COMMD5: variants seen among roughly 807,000 people sequenced by gnomAD.
The protein encoded by COMMD5 is COMM domain-containing protein 5.
COMMD5 carries 10 observed loss-of-function variants against 6.9 expected under a neutral mutation model. That is an observed-to-expected ratio of 1.44 (90% CI 0.89 to 2.45). COMMD5 has a LOEUF of 2.45. Among genes scored for constraint, COMMD5 ranks in the 30% most tolerant of loss-of-function variants. COMMD5 has a pLI of 0.00. For missense variants in COMMD5, 234 were observed against 287.8 expected (o/e 0.81, Z 1.35); for synonymous variants, 127 against 125.3 (o/e 1.01, Z -0.09).
downstream of COMMD5, among the ~76,000 whole-genome samples, chr8:144,849,338 C>A (rs945629404): frequency 1.3e-5 from 2 of 152,164 alleles, no homozygotes; most frequent in African/African-American, 2.4e-5. Context: ...GCAGGACCCA[C>A]AAGCATGCAC....
chr8:144,846,250 G>A, downstream of COMMD5: 3 of 1,442,526 alleles, frequency 2.1e-6, no homozygotes, highest in Admixed American at 2.1e-5. Context: ...AAAGGGGCTG[G>A]GGTGCAAGCT....
chr8:144,842,235 C>T, intron 1 of COMMD5: 2 of 1,614,054 alleles, frequency 1.2e-6, no homozygotes, highest in Non-Finnish European at 1.7e-6. Context: ...AGAGCTCCAC[C>T]CTAGCCCAGC....
chr8:144,848,198 T>C (rs147726715), downstream of COMMD5, among the ~76,000 whole-genome samples: 73 of 151,062 alleles, frequency 4.8e-4, no homozygotes, highest in East Asian at 0.014. Flanking sequence ...ATCTGAAAAT[T>C]AGCCGGGTGT....
At chr8:144,843,129 C>T (rs1293705838) in intron 1 of COMMD5, 3 of 1,606,586 alleles carry the variant, frequency 1.9e-6, no homozygotes, top group Non-Finnish European at 2.5e-6. Flanking sequence ...TTAATCGTAG[C>T]TCAAGGCTTA....
chr8:144,850,501 C>T lies in COMMD5; in HGVS notation c.*163G>A, dbSNP rs981579110. On this transcript the variant is annotated 3_prime_UTR_variant, in exon 2 of 2. Coordinates refer to ENST00000305103, the MANE Select transcript of COMMD5 (RefSeq NM_014066.4). The surrounding 1 kb of genome is among the most constrained non-coding windows in gnomAD (Gnocchi z 4.0). ...CAAAAAGAAAAAAAGGCATAGCTCTCTTTTTCAATTAAACAGAAAACTACA... is the reference window on the plus strand; with the variant it reads ...CAAAAAGAAAAAAAGGCATAGCTCTTTTTTTCAATTAAACAGAAAACTACA... 5 of 800,894 alleles carry T rather than the reference C, an allele frequency of 6.2e-6. No homozygotes were observed. Among genetic ancestry groups the T allele is most frequent in the Non-Finnish European group, 9.5e-6 (5 of 524,242 alleles). 49.6% of individuals were successfully genotyped at this position (800,894 alleles called of 1,614,324 possible).
downstream of COMMD5, among the ~76,000 whole-genome samples, chr8:144,848,623 ACT>A (rs1563853908): frequency 6.6e-6 from 1 of 152,170 alleles, no homozygotes; most frequent in African/African-American, 2.4e-5. Context: ...TAAAATGTTT[ACT>A]CTCTGGCCCT....
At chr8:144,838,095 C>T (rs1586815833), downstream of COMMD5, 2 of 702,992 alleles carry the variant, frequency 2.8e-6, no homozygotes, top group Admixed American at 2.0e-5. Context: ...CCTGTCCTGC[C>T]TCTCCGGGCA....
Position 144,851,072 on chromosome 8 carries a change from C to T in COMMD5, c.267G>A (p.Met89Ile). ...GGAGGGCCTGCTGGAGCAGTGTGTG[C>T]ATGCCTGCCAGCAGGGCACCCAGCT... ...EEQLGALLAG[M>I]HTLLQQALRL... Residue 89 changes from methionine to isoleucine, a missense_variant, in exon 2 of 2, where the codon ATG becomes ATA. Met to Ile is a conservative substitution (Grantham distance 10, BLOSUM62 1). Coordinates refer to ENST00000305103, the MANE Select transcript of COMMD5 (RefSeq NM_014066.4). 6.2e-7 allele frequency: 1 copy of T among 1,612,204 alleles called. No individual in the cohort carries two copies. The highest frequency in any genetic ancestry group is 8.5e-7 in the Non-Finnish European group (1 of 1,179,646).
chr8:144,845,830 C>T (rs979441070), downstream of COMMD5: 57 of 735,600 alleles, frequency 7.7e-5, no homozygotes, highest in South Asian at 1.3e-4. Context: ...CTACTCACAC[C>T]GGAACTTCTG....
At chr8:144,838,171 G>C (rs552590795), downstream of COMMD5, 14 of 702,478 alleles carry the variant, frequency 2.0e-5, no homozygotes, top group Admixed American at 1.4e-4. Flanking sequence ...TCTGATCTCC[G>C]ACTCCTTCAC....
downstream of COMMD5, chr8:144,838,362 G>A (rs1829334554): frequency 2.0e-5 from 11 of 556,756 alleles, no homozygotes; most frequent in Admixed American, 3.1e-4. Context: ...CCTATCTTGG[G>A]GTCCTCAGCC....
downstream of COMMD5, chr8:144,838,229 A>G (rs1829316457): frequency 1.5e-6 from 1 of 679,622 alleles, no homozygotes; most frequent in African/African-American, 1.8e-5. Flanking sequence ...CCATCTCCTT[A>G]GAAGGACACC....
intron 1 of COMMD5, chr8:144,842,795 G>A: frequency 6.2e-7 from 1 of 1,614,226 alleles, no homozygotes; most frequent in Non-Finnish European, 8.5e-7. Flanking sequence ...AAAGCCTTCA[G>A]TCAAAACTCA....
chr8:144,842,965 A>G (rs769903907), intron 1 of COMMD5: 1 of 1,614,190 alleles, frequency 6.2e-7, no homozygotes, highest in Non-Finnish European at 8.5e-7. Context: ...GGAAGGGTCC[A>G]CCTTTGTGAG....
downstream of COMMD5, among the ~76,000 whole-genome samples, chr8:144,840,736 C>T (rs1489587015): frequency 6.6e-6 from 1 of 152,084 alleles, no homozygotes; most frequent in Non-Finnish European, 1.5e-5. Flanking sequence ...CCACGCACAG[C>T]CCAGGGAGAA....
At position 144,850,861 on chromosome 8, in the gene COMMD5, C is replaced by G. The variant is rs1161081403; in HGVS notation, c.478G>C (p.Asp160His). ...AGGGCACTGGTGGAGATTGCTACAT[C>G]CACCCGCCACCGAAAGTCAGCAACA... Reference protein sequence around the residue: ...PHVADFRWRVDVAISTSALAR... With the variant: ...PHVADFRWRVHVAISTSALAR... The change falls in exon 2 of 2, where the codon GAT (aspartate) becomes CAT (histidine). Residue 160 changes from aspartate to histidine, a missense_variant. Asp to His is a moderately conservative substitution (Grantham distance 81). Coordinates refer to ENST00000305103, the MANE Select transcript of COMMD5 (RefSeq NM_014066.4). The surrounding 1 kb of genome is among the most constrained non-coding windows in gnomAD (Gnocchi z 4.0). The G allele has an allele frequency of 3.7e-6, 6 of 1,613,054 alleles. No individual in the cohort carries two copies. Among genetic ancestry groups the G allele is most frequent in the Non-Finnish European group, 4.2e-6 (5 of 1,179,848 alleles).
downstream of COMMD5, among the ~76,000 whole-genome samples, chr8:144,840,314 T>C (rs555411484): frequency 7.8e-4 from 119 of 152,278 alleles, no homozygotes; most frequent in African/African-American, 2.8e-3. Flanking sequence ...CCAGGACTGA[T>C]AGGAAGACCT....
downstream of COMMD5, chr8:144,846,248 T>TG (rs1830506276): frequency 1.4e-6 from 2 of 1,455,380 alleles, no homozygotes; most frequent in Non-Finnish European, 1.8e-6. Flanking sequence ...AAAAAGGGGC[T>TG]GGGGTGCAAG....
exon 2 of COMMD5, chr8:144,841,452 C>CT: frequency 6.2e-7 from 1 of 1,614,246 alleles, no homozygotes; most frequent in Non-Finnish European, 8.5e-7. Flanking sequence ...CCCCACAGGA[C>CT]TTTCCTCAGA....
Sources: allele counts gnomAD v4.1 joint callset (sites outside exome capture counted in the v4.1 genomes callset), GRCh38; gene constraint gnomAD v4.1.1; non-coding constraint Gnocchi (gnomAD v3.1); transcripts MANE v1.5; gene names NCBI Gene and HGNC (gene_info 2026-07-23, HGNC 2026-07-21).